IMP4: variants seen among roughly 807,000 people sequenced by gnomAD.
IMP4 encodes the protein IMP U3 small nucleolar ribonucleoprotein 4.
IMP4 carries 30 observed loss-of-function variants against 42.7 expected under a neutral mutation model. The ratio of observed to expected loss-of-function variants is 0.70; its 90% CI spans 0.53 to 0.95. The LOEUF (loss-of-function observed/expected upper bound fraction) is 0.95, where lower values mean the gene tolerates loss of function less well. Ranked by LOEUF, IMP4 falls within the 40% of genes least tolerant of loss-of-function variation. IMP4 has a pLI of 0.00. For synonymous variants in IMP4, 165 were observed against 165.2 expected (o/e 1.00, Z 0.01); for missense variants, 382 against 411.4 (o/e 0.93, Z 0.62).
chr2:130,343,378 A>G (rs1157888367), intron 2 of IMP4, 184 bp downstream of exon 2: 3 of 717,940 alleles, frequency 4.2e-6, no homozygotes, highest in Non-Finnish European at 7.8e-6. Flanking sequence ...ACGTTGCAGT[A>G]CCCGGGTTTT....
intron 2 of IMP4, among the ~76,000 whole-genome samples, chr2:130,344,197 G>A (rs1378882978): frequency 6.6e-6 from 1 of 151,908 alleles, no homozygotes; most frequent in Non-Finnish European, 1.5e-5. Flanking sequence ...GCGCCGTGGC[G>A]GGCTCCTGTA....
chr2:130,343,500 C>G (rs1258492370), intron 2 of IMP4, among the ~76,000 whole-genome samples: 1 of 152,104 alleles, frequency 6.6e-6, no homozygotes, highest in African/African-American at 2.4e-5. Flanking sequence ...AATCCCAGCA[C>G]TTTGGGAGGC....
intron 2 of IMP4, among the ~76,000 whole-genome samples, chr2:130,344,200 C>G (rs1259293677): frequency 1.3e-5 from 2 of 152,148 alleles, no homozygotes. Context: ...CCGTGGCGGG[C>G]TCCTGTAGTC....
In IMP4 at chr2:130,345,255, G is replaced by C. The variant is rs1293397168; in HGVS notation, c.197-121G>C. 1 of 732,476 alleles carries C rather than the reference G, an allele frequency of 1.4e-6. No homozygotes were observed. The highest frequency in any genetic ancestry group is 2.7e-5 in the East Asian group (1 of 37,112). The allele number at this position is 732,476 out of a possible 1,614,324, so 45.4% of individuals were successfully genotyped here. A position where few individuals can be genotyped will look rare whatever the true frequency, so the allele number is the denominator to read the frequency against. On this transcript the variant is annotated intron_variant, in intron 3 of 8. Transcript: ENST00000259239. The surrounding 1 kb of genome is among the most constrained non-coding windows in gnomAD (Gnocchi z 4.9). ...GGCTGCCCTCTTGCCCGGTGTGCAT[G>C]TGGAGCATTCCTATTGTTGAAGGCT...
chr2:130,342,924 G>C lies in IMP4; in HGVS notation c.-9G>C. 1.2e-6 allele frequency: 2 copies of C among 1,614,098 alleles called. No individual in the cohort carries two copies. Among genetic ancestry groups the C allele is most frequent in the Non-Finnish European group, 1.7e-6 (2 of 1,179,940 alleles). Reference sequence around the variant, plus strand: ...ATTCTCCCGGACCCACGTGGAAGCGGCACTCAAGATGGTAGGAGAATGAGC... The same window carrying C: ...ATTCTCCCGGACCCACGTGGAAGCGCCACTCAAGATGGTAGGAGAATGAGC... On this transcript the variant is annotated 5_prime_UTR_variant, in exon 1 of 9. Coordinates refer to ENST00000259239, the MANE Select transcript of IMP4 (RefSeq NM_033416.3).
At chr2:130,344,776 C>T (rs1679391359) in intron 3 of IMP4, 64 bp downstream of exon 3, 4 of 1,062,322 alleles carry the variant, frequency 3.8e-6, no homozygotes, top group African/African-American at 1.6e-5. Context: ...TCCTCAGACA[C>T]ACCGGGCACC....
chr2:130,345,700 G>A lies in IMP4; in HGVS notation c.439+1G>A, dbSNP rs113416845. ...GTTCACGAGCATCGGGGCACACCTG[G>A]TAAGGCCGGAGGGAGGGAGTCGGGG... On this transcript the variant is annotated splice_donor_variant, in intron 5 of 8. Coordinates refer to ENST00000259239, the MANE Select transcript of IMP4 (RefSeq NM_033416.3). LOFTEE classifies it high-confidence loss of function. The surrounding 1 kb of genome is among the most constrained non-coding windows in gnomAD (Gnocchi z 4.9). The A allele has an allele frequency of 1.2e-6, 2 of 1,613,612 alleles. No individual in the cohort carries two copies. Among genetic ancestry groups the A allele is most frequent in the South Asian group, 2.2e-5 (2 of 91,070 alleles).
Position 130,345,527 on chromosome 2 carries a change from A to G in IMP4, c.307-40A>G. ...AGTGAGGGAGAGACACCCAGGACAC[A>G]CAGCCCCAGTCCTGACTGTACACTG... On this transcript the variant is annotated intron_variant, in intron 4 of 8. Transcript: ENST00000259239. The surrounding 1 kb of genome is among the most constrained non-coding windows in gnomAD (Gnocchi z 4.9). 1 of 1,614,066 alleles carries G rather than the reference A, an allele frequency of 6.2e-7. No homozygotes were observed. Among genetic ancestry groups the G allele is most frequent in the East Asian group, 2.2e-5 (1 of 44,876 alleles).
In IMP4 at chr2:130,345,318, C is replaced by A; in HGVS notation, c.197-58C>A. The stretch of plus-strand genomic sequence containing the variant: ...GACATCCAGGCGGTCTTGGCTGCCC[C>A]GAAGTTAGCATTTCATTCCCAAGAC... On this transcript the variant is annotated intron_variant, in intron 3 of 8. Coordinates refer to ENST00000259239, the MANE Select transcript of IMP4 (RefSeq NM_033416.3). This position sits in a 1 kb window ranked among gnomAD's most constrained non-coding sequence, Gnocchi z 4.9. 1 of 1,406,598 alleles carries A rather than the reference C, an allele frequency of 7.1e-7. No homozygotes were observed. Among genetic ancestry groups the A allele is most frequent in the South Asian group, 1.2e-5 (1 of 83,218 alleles). The allele number at this position is 1,406,598 out of a possible 1,614,324, so 87.1% of individuals were successfully genotyped here. A position where few individuals can be genotyped will look rare whatever the true frequency, so the allele number is the denominator to read the frequency against.
Position 130,345,440 on chromosome 2 carries a change from C to A in IMP4, c.261C>A (p.Ile87=), listed in dbSNP as rs1248272339. The A allele has an allele frequency of 6.2e-7, 1 of 1,613,938 alleles. No homozygotes were observed. The highest frequency in any genetic ancestry group is 8.5e-7 in the Non-Finnish European group (1 of 1,180,000). ...WAGVEDPKVM[I]TTSRDPSSRL... is the part of the protein sequence containing the mutation. ...GAGTCGAGGATCCCAAGGTTATGAT[C>A]ACTACCTCCCGAGACCCCAGTTCCC... The change falls in exon 4 of 9, where the codon ATC becomes ATA. Residue 87 remains isoleucine, a synonymous_variant. Transcript: ENST00000259239. This position sits in a 1 kb window ranked among gnomAD's most constrained non-coding sequence, Gnocchi z 4.9.
rs370779526 is a variant in IMP4 at position 130,345,362 on chromosome 2, C to T, written c.197-14C>T. The T allele has an allele frequency of 4.4e-5, 70 of 1,601,136 alleles. No homozygotes were observed. Among genetic ancestry groups the T allele is most frequent in the African/African-American group, 2.1e-4 (16 of 74,588 alleles). On this transcript the variant is annotated splice_polypyrimidine_tract_variant and intron_variant, in intron 3 of 8. Transcript: ENST00000259239. This position sits in a 1 kb window ranked among gnomAD's most constrained non-coding sequence, Gnocchi z 4.9. ...CCAAGACTGTCATGTTCTTGCCCCT[C>T]GTGCTCCTGACAGGTGTGACCAGCC...
rs1474286080 is a variant in IMP4, at chr2:130,345,566, G to A, written c.307-1G>A. On this transcript the variant is annotated splice_acceptor_variant, in intron 4 of 8. Transcript: ENST00000259239. LOFTEE classifies it high-confidence loss of function. The surrounding 1 kb of genome is among the most constrained non-coding windows in gnomAD (Gnocchi z 4.9). Reference sequence around the variant, plus strand: ...GACTGTACACTGCCATCCACGCCCAGGAGCTGAAGCTGGTGTTCCCGGGCG... The same window carrying A: ...GACTGTACACTGCCATCCACGCCCAAGAGCTGAAGCTGGTGTTCCCGGGCG... 2 of 1,614,210 alleles carry A rather than the reference G, an allele frequency of 1.2e-6. No homozygotes were observed. The highest frequency in any genetic ancestry group is 4.5e-5 in the East Asian group (2 of 44,880).
chr2:130,344,652 T>C lies in IMP4; in HGVS notation c.136T>C (p.Leu46=), dbSNP rs1679374320. 1 of 1,614,070 alleles carries C rather than the reference T, an allele frequency of 6.2e-7. No individual in the cohort carries two copies. Among genetic ancestry groups the C allele is most frequent in the Non-Finnish European group, 8.5e-7 (1 of 1,179,904 alleles). Residue 46 remains leucine, a synonymous_variant, in exon 3 of 9, where the codon TTA becomes CTA. Coordinates refer to ENST00000259239, the MANE Select transcript of IMP4 (RefSeq NM_033416.3). Reference sequence around the variant, plus strand: ...AGAAAACCGCCTGATTCCCACTGAGTTACGCCGAGAGGCTCTGGCCTTACA... The same window carrying C: ...AGAAAACCGCCTGATTCCCACTGAGCTACGCCGAGAGGCTCTGGCCTTACA... ...LEENRLIPTE[L]RREALALQGS... is the part of the protein sequence containing the mutation.
Position 130,345,888 on chromosome 2 carries a change from G to A in IMP4, c.549G>A (p.Lys183=), listed in dbSNP as rs1303019691. 1 of 1,614,202 alleles carries A rather than the reference G, an allele frequency of 6.2e-7. No individual in the cohort carries two copies. Among genetic ancestry groups the A allele is most frequent in the Admixed American group, 1.7e-5 (1 of 60,024 alleles). The part of the protein sequence containing the change: ...IPDLGTMSEA[K]PHLITHGFSS... ...ACCTGGGCACCATGTCGGAGGCCAA[G>A]CCCCACCTCATCACACACGGCTTCT... The change falls in exon 6 of 9, where the codon AAG becomes AAA. Residue 183 remains lysine, a synonymous_variant. Transcript: ENST00000259239. The surrounding 1 kb of genome is among the most constrained non-coding windows in gnomAD (Gnocchi z 4.9).
rs79164154 is a variant in IMP4 at position 130,344,494 on chromosome 2, A to G, written c.113-135A>G. 614 of 676,328 alleles carry G rather than the reference A, an allele frequency of 9.1e-4. 1 individual carries two copies. In the African/African-American group the frequency reaches 9.4e-3, roughly 10 times the overall value. The allele number at this position is 676,328 out of a possible 1,614,324, so 41.9% of individuals were successfully genotyped here. On this transcript the variant is annotated intron_variant, in intron 2 of 8. Coordinates refer to ENST00000259239, the MANE Select transcript of IMP4 (RefSeq NM_033416.3). ...GTAGAAAGTTTTGTCACCTCTATCC[A>G]TGCTTTATCCAAGCTCAGAAAGGGC...
Position 130,345,630 on chromosome 2 carries a change from C to G in IMP4, c.370C>G (p.Leu124Val), listed in dbSNP as rs1328292212. 1 of 1,614,150 alleles carries G rather than the reference C, an allele frequency of 6.2e-7. No individual in the cohort carries two copies. The highest frequency in any genetic ancestry group is 2.2e-5 in the East Asian group (1 of 44,862). The change falls in exon 5 of 9, where the codon CTG becomes GTG. Residue 124 changes from leucine to valine, a missense_variant. Leu to Val is a conservative substitution (Grantham distance 32, BLOSUM62 1). Coordinates refer to ENST00000259239, the MANE Select transcript of IMP4 (RefSeq NM_033416.3). The surrounding 1 kb of genome is among the most constrained non-coding windows in gnomAD (Gnocchi z 4.9). ...CCGAGGTCGACATGAAGTGGGGGCA[C>G]TGGTGCGAGCCTGCAAAGCCAACGG... Reference protein sequence around the residue: ...MNRGRHEVGALVRACKANGVT... With the variant: ...MNRGRHEVGAVVRACKANGVT...
chr2:130,345,242 G>T lies in IMP4; in HGVS notation c.197-134G>T, dbSNP rs949189746. 2 of 688,022 alleles carry T rather than the reference G, an allele frequency of 2.9e-6. No homozygotes were observed. The highest frequency in any genetic ancestry group is 1.8e-5 in the African/African-American group (1 of 56,834). The allele number at this position is 688,022 out of a possible 1,614,324, so 42.6% of individuals were successfully genotyped here. On this transcript the variant is annotated intron_variant, in intron 3 of 8. Transcript: ENST00000259239. The surrounding 1 kb of genome is among the most constrained non-coding windows in gnomAD (Gnocchi z 4.9). ...CAGAGTAGTTGGAGGCTGCCCTCTT[G>T]CCCGGTGTGCATGTGGAGCATTCCT...
chr2:130,342,926 A>G lies in IMP4; in HGVS notation c.-7A>G, dbSNP rs1465172532. 1 of 1,614,062 alleles carries G rather than the reference A, an allele frequency of 6.2e-7. No homozygotes were observed. Among genetic ancestry groups the G allele is most frequent in the Non-Finnish European group, 8.5e-7 (1 of 1,179,962 alleles). On this transcript the variant is annotated 5_prime_UTR_variant, in exon 1 of 9. Coordinates refer to ENST00000259239, the MANE Select transcript of IMP4 (RefSeq NM_033416.3). Reference sequence around the variant, plus strand: ...TCTCCCGGACCCACGTGGAAGCGGCACTCAAGATGGTAGGAGAATGAGCTC... The same window carrying G: ...TCTCCCGGACCCACGTGGAAGCGGCGCTCAAGATGGTAGGAGAATGAGCTC...
In IMP4 at chr2:130,346,174, C is replaced by T. The variant is rs374746521; in HGVS notation, c.690-27C>T. 1.2e-4 allele frequency: 188 copies of T among 1,613,480 alleles called. 1 individual carries two copies. Among genetic ancestry groups the T allele is most frequent in the Non-Finnish European group, 1.3e-4 (156 of 1,179,498 alleles). On this transcript the variant is annotated intron_variant, in intron 7 of 8. Coordinates refer to ENST00000259239, the MANE Select transcript of IMP4 (RefSeq NM_033416.3). ...ACCCTGTGTACCTCGTGCTGCTTGC[C>T]GTTGACCCACAGCTGTTCCCTCCCA...
Sources: allele counts gnomAD v4.1 joint callset (sites outside exome capture counted in the v4.1 genomes callset), GRCh38; gene constraint gnomAD v4.1.1; non-coding constraint Gnocchi (gnomAD v3.1); transcripts MANE v1.5; gene names NCBI Gene and HGNC (gene_info 2026-07-23, HGNC 2026-07-21).